The following COL22A1 variants were observed in gnomAD, a reference collection of about 807,000 sequenced individuals.
COL22A1 encodes the protein collagen type XXII alpha 1 chain, also known as collagen alpha-1(XXII) chain.
A neutral mutation model predicts 248.9 loss-of-function variants in COL22A1; 221 were observed. That is an observed-to-expected ratio of 0.89 (90% confidence interval 0.80 to 0.99). The LOEUF is 0.99. Among genes scored for constraint, COL22A1 ranks in the 50% least tolerant of loss-of-function variants. The probability of loss-of-function intolerance (pLI) is 0.00; values close to 1 mark genes in which losing one functional copy is unlikely to be tolerated. For synonymous variants in COL22A1, 891 were observed against 793.4 expected (o/e 1.12, Z -2.07); for missense variants, 2,240 against 2,179.0 (o/e 1.03, Z -0.56).
intron 45 of COL22A1, among the ~76,000 whole-genome samples, chr8:138,652,735 G>GTTTTTTTTTTTTTTTTTTGTTTTTTTT (rs1822860981): frequency 3.7e-5 from 2 of 54,244 alleles, no homozygotes; most frequent in Non-Finnish European, 6.9e-5. Context: ...TCCTTTTCTG[G>GTTTTTTTTTTTTTTTTTTGTTTTTTTT]TTTTTTTTTT....
chr8:138,634,773 T>A (rs534415623), intron 49 of COL22A1, among the ~76,000 whole-genome samples: 6 of 152,154 alleles, frequency 3.9e-5, no homozygotes, highest in Non-Finnish European at 7.3e-5. Context: ...TTTGCCAATG[T>A]CCCCCAGTCC....
In COL22A1 at chr8:138,762,408, C is replaced by T. The variant is rs548985432; in HGVS notation, c.1857+5G>A. The stretch of plus-strand genomic sequence containing the variant: ...CCTAGCCCAACAGCGCCAGCACCCA[C>T]CTACCTGCTGTCCTGTGTCCCCAGG... On this transcript the variant is annotated splice_donor_5th_base_variant and intron_variant, in intron 17 of 64. Transcript: ENST00000303045. 1.1e-5 allele frequency: 18 copies of T among 1,614,030 alleles called. No individual in the cohort carries two copies. The highest frequency in any genetic ancestry group is 1.1e-5 in the South Asian group (1 of 91,078).
intron 51 of COL22A1, 63 bp from the exon 52 acceptor site, chr8:138,623,848 G>A: frequency 1.4e-6 from 2 of 1,478,632 alleles, no homozygotes; most frequent in Non-Finnish European, 1.9e-6. Flanking sequence ...GAAAGACGAA[G>A]GCAGTTTCAG....
At chr8:138,682,527 T>C (rs909905218) in intron 39 of COL22A1, among the ~76,000 whole-genome samples, 2 of 152,154 alleles carry the variant, frequency 1.3e-5, no homozygotes, top group Admixed American at 6.5e-5. Flanking sequence ...AGTTGATGCA[T>C]CTGAGTTAGT....
intron 4 of COL22A1, among the ~76,000 whole-genome samples, chr8:138,843,273 C>T (rs1036875982): frequency 3.3e-5 from 5 of 152,142 alleles, no homozygotes; most frequent in Non-Finnish European, 5.9e-5. Context: ...CAAGCAGGGT[C>T]CCAGCAGTAC....
At chr8:138,657,261 T>C (rs1232963746) in intron 44 of COL22A1, among the ~76,000 whole-genome samples, 2 of 152,372 alleles carry the variant, frequency 1.3e-5, no homozygotes, top group South Asian at 2.1e-4. Context: ...ACCTTTGCTA[T>C]AGCAATTTAT....
intron 23 of COL22A1, among the ~76,000 whole-genome samples, chr8:138,734,342 C>T (rs958293056): frequency 5.9e-5 from 9 of 152,162 alleles, no homozygotes; most frequent in South Asian, 2.1e-4. Flanking sequence ...TTAGATTTTA[C>T]GTCCCCAGGG....
Position 138,839,183 on chromosome 8 carries a change from A to G in COL22A1, c.733+4901T>C, listed in dbSNP as rs112735897. Among the ~76,000 whole-genome samples, 986 of 152,310 alleles carry G rather than the reference A, an allele frequency of 6.5e-3. 8 individuals are homozygous for G. Among genetic ancestry groups the G allele is most frequent in the African/African-American group, 0.022 (928 of 41,560 alleles). ...GGGTCATTTGTGGAAGGAGAGAAGA[A>G]GAGAATGAAGGAATTCATGACCCAC... On this transcript the variant is annotated intron_variant, in intron 4 of 64. Coordinates refer to ENST00000303045, the MANE Select transcript of COL22A1 (RefSeq NM_152888.3).
At chr8:138,730,058 C>T (rs1480863693) in intron 23 of COL22A1, among the ~76,000 whole-genome samples, 1 of 152,158 alleles carries the variant, frequency 6.6e-6, no homozygotes, top group Non-Finnish European at 1.5e-5. Context: ...TGGCACTCCC[C>T]CAAAAGGAAG....
At chr8:138,689,156 C>T (rs956768332) in intron 36 of COL22A1, among the ~76,000 whole-genome samples, 186 bp from the exon 37 acceptor site, 1 of 89,186 alleles carries the variant, frequency 1.1e-5, no homozygotes, top group African/African-American at 4.1e-5. Context: ...CTGCTGCTCT[C>T]CCGGGGGGGG....
In COL22A1 at chr8:138,765,495, A is replaced by G. The variant is rs575141705; in HGVS notation, c.1804-3029T>C. ...CCTACTAAAGATCACTGTAAGGAAC[A>G]TGGCTGTGCTTTGGTCAAGGAATAG... On this transcript the variant is annotated intron_variant, in intron 16 of 64. Transcript: ENST00000303045. Among the ~76,000 whole-genome samples, 6 of 152,332 alleles carry G rather than the reference A, an allele frequency of 3.9e-5. No individual in the cohort carries two copies. In the South Asian group the frequency reaches 1.2e-3, roughly 32 times the overall value.
intron 3 of COL22A1, among the ~76,000 whole-genome samples, chr8:138,859,222 A>G (rs1422244557): frequency 2.6e-5 from 4 of 152,226 alleles, no homozygotes; most frequent in Non-Finnish European, 5.9e-5. Flanking sequence ...AAACTCACAC[A>G]GTCGTGACCC....
At chr8:138,848,906 G>C (rs936446063) in intron 3 of COL22A1, among the ~76,000 whole-genome samples, 2 of 152,184 alleles carry the variant, frequency 1.3e-5, no homozygotes, top group Non-Finnish European at 2.9e-5. Flanking sequence ...CAGCCCTGCC[G>C]GATACCAGAC....
intron 4 of COL22A1, among the ~76,000 whole-genome samples, chr8:138,840,145 C>T (rs574456740): frequency 6.6e-6 from 1 of 152,290 alleles, no homozygotes; most frequent in South Asian, 2.1e-4. Flanking sequence ...AATACAGAAG[C>T]TGTCCCTATT....
At chr8:138,857,566 C>A (rs1822136902) in intron 3 of COL22A1, among the ~76,000 whole-genome samples, 2 of 152,168 alleles carry the variant, frequency 1.3e-5, no homozygotes, top group African/African-American at 4.8e-5. Context: ...CATGTCCAGG[C>A]CCCTCCTGCT....
chr8:138,788,370 G>A (rs966543148), intron 12 of COL22A1, among the ~76,000 whole-genome samples: 2 of 152,154 alleles, frequency 1.3e-5, no homozygotes, highest in Non-Finnish European at 2.9e-5. Flanking sequence ...ACCTGTGCTT[G>A]GTCCCAGGTG....
chr8:138,657,714 A>G lies in COL22A1; in HGVS notation c.3286-1770T>C, dbSNP rs139515375. 2.6e-3 allele frequency among the ~76,000 whole-genome samples: 388 copies of G among 152,140 alleles called. 1 individual carries two copies. Among genetic ancestry groups the G allele is most frequent in the Non-Finnish European group, 4.2e-3 (288 of 68,004 alleles). Reference sequence around the variant, plus strand: ...CTCATGTCACCTGTTGTTGGGCCCAATGGGCTCAGAGAACAGTGGACAGTG... The same window carrying G: ...CTCATGTCACCTGTTGTTGGGCCCAGTGGGCTCAGAGAACAGTGGACAGTG... On this transcript the variant is annotated intron_variant, in intron 44 of 64. Coordinates refer to ENST00000303045, the MANE Select transcript of COL22A1 (RefSeq NM_152888.3).
In COL22A1 at chr8:138,755,824, G is replaced by A. The variant is rs748113374; in HGVS notation, c.1908C>T (p.Asp636=). 1.1e-5 allele frequency: 17 copies of A among 1,613,804 alleles called. No individual in the cohort carries two copies. Among genetic ancestry groups the A allele is most frequent in the South Asian group, 7.7e-5 (7 of 91,080 alleles). The change falls in exon 19 of 65, where the codon GAC becomes GAT. Residue 636 remains aspartate (D), a synonymous_variant. Transcript: ENST00000303045. ...GVAGPQGEKG[D]VGPAGPPGVP... ...CACCAGGTGGCCCCGCAGGTCCCAC[G>A]TCACCCTGCACAGAAACGACAAACA...
chr8:138,699,935 C>T (rs903786207), intron 32 of COL22A1, among the ~76,000 whole-genome samples, 177 bp downstream of exon 32: 1 of 152,246 alleles, frequency 6.6e-6, no homozygotes, highest in Admixed American at 6.5e-5. Flanking sequence ...AGCCAGCTCC[C>T]TGCAAGGCCC....
Sources: allele counts gnomAD v4.1 joint callset (sites outside exome capture counted in the v4.1 genomes callset), GRCh38; gene constraint gnomAD v4.1.1; transcripts MANE v1.5; gene names NCBI Gene and HGNC (gene_info 2026-07-23, HGNC 2026-07-21).